P2RX3: variants seen among roughly 807,000 people sequenced by gnomAD.
P2RX3 encodes the protein P2X purinoceptor 3.
P2RX3 carries 41 observed loss-of-function variants against 51.5 expected under a neutral mutation model. That is an observed-to-expected ratio of 0.80 (90% confidence interval 0.62 to 1.03). The LOEUF is 1.03. Ranked by LOEUF, P2RX3 falls within the 50% of genes least tolerant of loss-of-function variation. P2RX3 has a pLI of 0.00. For synonymous variants in P2RX3, 185 were observed against 191.6 expected (o/e 0.97, Z 0.29); for missense variants, 459 against 522.1 (o/e 0.88, Z 1.18).
chr11:57,366,122 G>T (rs1856793455), intron 8 of P2RX3, among the ~76,000 whole-genome samples: 1 of 152,150 alleles, frequency 6.6e-6, no homozygotes, highest in South Asian at 2.1e-4. Context: ...ACTGGCATCA[G>T]GAACCCATTT....
At chr11:57,367,742 A>G (rs1856818221) in intron 8 of P2RX3, among the ~76,000 whole-genome samples, 1 of 152,146 alleles carries the variant, frequency 6.6e-6, no homozygotes, top group Non-Finnish European at 1.5e-5. Context: ...AATAAATAAA[A>G]GGCAAGTTCT....
intron 8 of P2RX3, among the ~76,000 whole-genome samples, chr11:57,361,309 T>C (rs1366896810): frequency 6.6e-6 from 1 of 152,092 alleles, no homozygotes; most frequent in East Asian, 1.9e-4. Context: ...TAAGTTTAAG[T>C]TCTGGGATAC....
intron 8 of P2RX3, among the ~76,000 whole-genome samples, chr11:57,352,931 C>T (rs1418057658): frequency 6.6e-6 from 1 of 152,078 alleles, no homozygotes; most frequent in Non-Finnish European, 1.5e-5. Flanking sequence ...TTAGTTTGAC[C>T]CTTGTGATTT....
At chr11:57,368,465 G>A (rs771232774) in intron 10 of P2RX3, 28 bp downstream of exon 10, 20 of 1,612,052 alleles carry the variant, frequency 1.2e-5, no homozygotes, top group African/African-American at 8.0e-5. Flanking sequence ...ACGCTCTGAC[G>A]GGCCAGTCAG....
intron 8 of P2RX3, among the ~76,000 whole-genome samples, chr11:57,363,827 G>A (rs1167784163): frequency 1.3e-5 from 2 of 152,152 alleles, no homozygotes; most frequent in African/African-American, 4.8e-5. Context: ...CCTGAGCTCT[G>A]TTCCTCCTCC....
intron 8 of P2RX3, among the ~76,000 whole-genome samples, chr11:57,353,321 G>T (rs762756665): frequency 6.6e-6 from 1 of 152,118 alleles, no homozygotes; most frequent in Non-Finnish European, 1.5e-5. Flanking sequence ...AGCATTCCTT[G>T]CATGCCCTAC....
Position 57,349,906 on chromosome 11 carries a change from C to T in P2RX3, c.705+8C>T. Reference sequence around the variant, plus strand: ...GCCAAACTGGCGCGCACGGTGAGGACCTAGCCATTCTTCCGCGACCCCAAA... The same window carrying T: ...GCCAAACTGGCGCGCACGGTGAGGATCTAGCCATTCTTCCGCGACCCCAAA... On this transcript the variant is annotated splice_region_variant and intron_variant, in intron 7 of 11. Coordinates refer to ENST00000263314, the MANE Select transcript of P2RX3 (RefSeq NM_002559.5). 2.5e-6 allele frequency: 4 copies of T among 1,614,032 alleles called. No homozygotes were observed. In the East Asian group the frequency reaches 6.7e-5, roughly 27 times the overall value.
chr11:57,344,039 G>C (rs1175603289), intron 1 of P2RX3, among the ~76,000 whole-genome samples: 2 of 152,082 alleles, frequency 1.3e-5, no homozygotes, highest in African/African-American at 4.8e-5. Context: ...AAAAAAAGAA[G>C]AAAAGAAAAG....
chr11:57,342,120 G>A (rs946657476), intron 1 of P2RX3, among the ~76,000 whole-genome samples: 4 of 145,506 alleles, frequency 2.7e-5, no homozygotes, highest in Non-Finnish European at 1.5e-5. Flanking sequence ...GAGCTGTTAT[G>A]GTGGGAAGAA....
intron 8 of P2RX3, 93 bp downstream of exon 8, chr11:57,350,991 CCA>C (rs2134423383): frequency 6.4e-7 from 1 of 1,557,916 alleles, no homozygotes; most frequent in East Asian, 2.3e-5. Flanking sequence ...ATCCATCCAC[CCA>C]CCCCTGGCCC....
Position 57,349,792 on chromosome 11 carries a change from T to G in P2RX3, c.599T>G (p.Met200Arg). The change falls in exon 7 of 12, where the codon ATG becomes AGG. Residue 200 changes from methionine (M) to arginine (R), a missense_variant. Coordinates refer to ENST00000263314, the MANE Select transcript of P2RX3 (RefSeq NM_002559.5). ...NLLPNLTARD[M>R]KTCRFHPDKD... The stretch of plus-strand genomic sequence containing the variant: ...CTTCCCAACCTGACAGCCAGGGACA[T>G]GAAGACCTGCCGCTTCCACCCGGAC... 2 of 1,614,182 alleles carry G rather than the reference T, an allele frequency of 1.2e-6. No homozygotes were observed. The highest frequency in any genetic ancestry group is 1.1e-5 in the South Asian group (1 of 91,068).
Position 57,338,488 on chromosome 11 carries a change from A to C in P2RX3, c.-63A>C, listed in dbSNP as rs567968563. On this transcript the variant is annotated 5_prime_UTR_variant, in exon 1 of 12. Transcript: ENST00000263314. ...TGATCTCGTCTCCCTGTCCTGTAGG[A>C]CCTCCCTCTCCTGAGGCCACCACTG... The C allele has an allele frequency of 8.6e-7, 1 of 1,167,524 alleles. No homozygotes were observed. The highest frequency in any genetic ancestry group is 1.2e-6 in the Non-Finnish European group (1 of 800,596). The allele number at this position is 1,167,524 out of a possible 1,614,324, so 72.3% of individuals were successfully genotyped here.
At chr11:57,337,693 G>A (rs567026225), upstream of P2RX3, among the ~76,000 whole-genome samples, 3 of 152,290 alleles carry the variant, frequency 2.0e-5, no homozygotes, top group South Asian at 2.1e-4. Context: ...AGTGGGGAGG[G>A]ATAGCATTAG....
At chr11:57,359,724 G>A (rs376830995) in intron 8 of P2RX3, among the ~76,000 whole-genome samples, 1 of 152,214 alleles carries the variant, frequency 6.6e-6, no homozygotes, top group East Asian at 1.9e-4. Context: ...CTCTCTTAGG[G>A]AGGCAGTAGG....
intron 10 of P2RX3, among the ~76,000 whole-genome samples, chr11:57,368,650 C>T (rs1355087826): frequency 1.3e-5 from 2 of 152,224 alleles, no homozygotes; most frequent in African/African-American, 4.8e-5. Flanking sequence ...TCATTACCTC[C>T]GGAAGCAGCC....
chr11:57,360,224 C>T (rs190349862), intron 8 of P2RX3, among the ~76,000 whole-genome samples: 9 of 152,302 alleles, frequency 5.9e-5, no homozygotes, highest in African/African-American at 1.4e-4. Context: ...GAGAGGCTGG[C>T]TCCCACAAGT....
At chr11:57,369,223 A>C in intron 10 of P2RX3, 138 bp from the exon 11 acceptor site, 2 of 714,830 alleles carry the variant, frequency 2.8e-6, no homozygotes, top group Non-Finnish European at 2.4e-6. Context: ...CTATCCCAAA[A>C]GTTTGTTGCA....
chr11:57,348,494 A>G, intron 5 of P2RX3, 133 bp from the exon 6 acceptor site: 1 of 755,562 alleles, frequency 1.3e-6, no homozygotes, highest in Non-Finnish European at 2.2e-6. Flanking sequence ...CCTATAGCCC[A>G]CTCTCAAAGT....
chr11:57,368,621 G>A (rs1193609321), intron 10 of P2RX3, among the ~76,000 whole-genome samples, 184 bp downstream of exon 10: 4 of 152,182 alleles, frequency 2.6e-5, no homozygotes, highest in Admixed American at 6.5e-5. Flanking sequence ...TGGCTGGAAC[G>A]TCTCCAGTCA....
Sources: allele counts gnomAD v4.1 joint callset (sites outside exome capture counted in the v4.1 genomes callset), GRCh38; gene constraint gnomAD v4.1.1; transcripts MANE v1.5; gene names NCBI Gene and HGNC (gene_info 2026-07-23, HGNC 2026-07-21).